The following SEMA5A variants were observed in gnomAD, a reference collection of about 807,000 sequenced individuals.
The protein encoded by SEMA5A is semaphorin 5A, also known as semaphorin-5A.
A neutral mutation model predicts 135.5 loss-of-function variants in SEMA5A; 55 were observed. The ratio of observed to expected loss-of-function variants is 0.41; its 90% CI spans 0.33 to 0.51. SEMA5A has a LOEUF of 0.51. Ranked by LOEUF, SEMA5A falls within the 20% of genes least tolerant of loss-of-function variation. The pLI is 0.37. For synonymous variants in SEMA5A, 580 were observed against 546.5 expected (o/e 1.06, Z -0.85); for missense variants, 1,290 against 1,419.9 (o/e 0.91, Z 1.47).
At chr5:9,074,753 A>G (rs1383597376) in intron 16 of SEMA5A, among the ~76,000 whole-genome samples, 1 of 152,182 alleles carries the variant, frequency 6.6e-6, no homozygotes, top group East Asian at 1.9e-4. Flanking sequence ...GTAAATTGAA[A>G]CCACAAGTAA....
intron 4 of SEMA5A, 36 bp downstream of exon 4, chr5:9,337,677 A>G (rs1194744319): frequency 2.0e-6 from 3 of 1,479,282 alleles, no homozygotes; most frequent in East Asian, 2.3e-5. Context: ...ATGAAGTCCA[A>G]AAATATCTGT....
intron 5 of SEMA5A, among the ~76,000 whole-genome samples, chr5:9,247,794 T>G (rs1561068508): frequency 6.6e-6 from 1 of 152,156 alleles, no homozygotes; most frequent in Non-Finnish European, 1.5e-5. Flanking sequence ...AAATTTGTTT[T>G]CTAGTGTAAG....
intron 8 of SEMA5A, among the ~76,000 whole-genome samples, chr5:9,219,737 G>A (rs1415286919): frequency 6.6e-6 from 1 of 152,136 alleles, no homozygotes; most frequent in Non-Finnish European, 1.5e-5. Context: ...TGCTGTTTAA[G>A]CACCCAGGCT....
At position 9,447,219 on chromosome 5, in the gene SEMA5A, G is replaced by A. The variant is rs373562207; in HGVS notation, c.-174-9367C>T. Among the ~76,000 whole-genome samples, 4 of 152,188 alleles carry A rather than the reference G, an allele frequency of 2.6e-5. No homozygotes were observed. The East Asian group carries it at 7.7e-4, about 29-fold the overall frequency. On this transcript the variant is annotated intron_variant, in intron 1 of 22. Coordinates refer to ENST00000382496, the MANE Select transcript of SEMA5A (RefSeq NM_003966.3). ...GGAAAGAAGATTAGTATAAACCCGT[G>A]CAAGCCAATCCAATGTGCATATTGG...
chr5:9,229,918 T>C (rs565637721), intron 6 of SEMA5A, among the ~76,000 whole-genome samples: 1 of 152,152 alleles, frequency 6.6e-6, no homozygotes, highest in Non-Finnish European at 1.5e-5. Context: ...ATATCAAATA[T>C]GGTGTTTACG....
chr5:9,392,554 T>A (rs74607281), intron 2 of SEMA5A, among the ~76,000 whole-genome samples: 6,739 of 152,276 alleles, frequency 0.044, 210 homozygotes, highest in Middle Eastern at 0.078. Context: ...GAGGCCTTTG[T>A]CCTCAGTCAT....
rs1042111954 is a variant in SEMA5A, at chr5:9,337,863, T to C, written c.125-51A>G. 5 of 1,305,474 alleles carry C rather than the reference T, an allele frequency of 3.8e-6. No individual in the cohort carries two copies. In the African/African-American group the frequency reaches 4.4e-5, roughly 12 times the overall value. 80.9% of individuals were successfully genotyped at this position (1,305,474 alleles called of 1,614,324 possible). ...AAAGATAAAAATGAATTATTTTTCC[T>C]CTGGGGACCACAGATAGTGCACATC... On this transcript the variant is annotated intron_variant, in intron 3 of 22. Transcript: ENST00000382496.
intron 1 of SEMA5A, among the ~76,000 whole-genome samples, chr5:9,492,012 T>C (rs1345970210): frequency 1.3e-5 from 2 of 152,218 alleles, no homozygotes; most frequent in Non-Finnish European, 2.9e-5. Context: ...ACAGCTTTTA[T>C]AAAGTCTATC....
At chr5:9,139,624 C>T (rs1454341685) in intron 12 of SEMA5A, among the ~76,000 whole-genome samples, 1 of 152,178 alleles carries the variant, frequency 6.6e-6, no homozygotes, top group Non-Finnish European at 1.5e-5. Flanking sequence ...CATTTTATTA[C>T]ATGGTCACTG....
At chr5:9,458,589 C>T (rs914900255) in intron 1 of SEMA5A, among the ~76,000 whole-genome samples, 2 of 152,188 alleles carry the variant, frequency 1.3e-5, no homozygotes, top group African/African-American at 4.8e-5. Flanking sequence ...GCAAGCCACA[C>T]AAGATGGTGG....
At chr5:9,540,433 C>A (rs1209816184) in intron 1 of SEMA5A, among the ~76,000 whole-genome samples, 10 of 144,666 alleles carry the variant, frequency 6.9e-5, no homozygotes, top group South Asian at 2.2e-4. Flanking sequence ...ACTAAAAATT[C>A]AAAAAAAAAA....
chr5:9,433,676 T>G (rs1308959656), intron 2 of SEMA5A, among the ~76,000 whole-genome samples: 2 of 151,376 alleles, frequency 1.3e-5, no homozygotes, highest in African/African-American at 4.9e-5. Flanking sequence ...GAAAAAAAAT[T>G]AGCAAAGAAA....
chr5:9,142,083 T>TC (rs1379520571), intron 12 of SEMA5A, among the ~76,000 whole-genome samples: 2 of 152,168 alleles, frequency 1.3e-5, no homozygotes, highest in African/African-American at 4.8e-5. Flanking sequence ...GTCACTGAGC[T>TC]CCAAGAACTT....
chr5:9,121,282 C>A (rs1740800136), intron 14 of SEMA5A, among the ~76,000 whole-genome samples: 1 of 152,124 alleles, frequency 6.6e-6, no homozygotes, highest in African/African-American at 2.4e-5. Context: ...ACACAGTGAC[C>A]AAACAAGTCA....
chr5:9,388,681 T>C (rs535498199), intron 2 of SEMA5A, among the ~76,000 whole-genome samples: 39 of 152,082 alleles, frequency 2.6e-4, no homozygotes, highest in African/African-American at 5.8e-4. Context: ...GGGCGGATCA[T>C]GAGGTCAGAA....
intron 12 of SEMA5A, among the ~76,000 whole-genome samples, chr5:9,139,543 C>T (rs972017431): frequency 6.6e-6 from 1 of 152,180 alleles, no homozygotes; most frequent in African/African-American, 2.4e-5. Flanking sequence ...ACTTTTTAAA[C>T]ATTTGCATTT....
intron 11 of SEMA5A, among the ~76,000 whole-genome samples, chr5:9,178,141 T>C (rs1324509362): frequency 3.3e-5 from 5 of 152,108 alleles, no homozygotes; most frequent in African/African-American, 1.2e-4. Flanking sequence ...CTACCGAGAA[T>C]CTCATTATCC....
intron 10 of SEMA5A, among the ~76,000 whole-genome samples, chr5:9,192,356 A>G (rs1417399414): frequency 3.3e-5 from 5 of 152,252 alleles, no homozygotes; most frequent in Admixed American, 1.3e-4. Context: ...ATCCGTGGAA[A>G]GCATTTGTAA....
chr5:9,396,571 T>A (rs1308849892), intron 2 of SEMA5A, among the ~76,000 whole-genome samples: 5 of 152,108 alleles, frequency 3.3e-5, no homozygotes, highest in Admixed American at 1.3e-4. Flanking sequence ...TCTCACCCAA[T>A]GTGCTAATGT....
Sources: gnomAD v4.1 joint callset for allele counts (sites outside exome capture counted in the v4.1 genomes callset) on GRCh38, gnomAD v4.1.1 for gene constraint, MANE v1.5 for transcripts, NCBI Gene and HGNC (gene_info 2026-07-23, HGNC 2026-07-21) for gene names.